The following PRKN variants were observed in gnomAD, a reference collection of about 807,000 sequenced individuals.
The protein encoded by PRKN is parkin RBR E3 ubiquitin protein ligase, also known as E3 ubiquitin-protein ligase parkin.
Under a neutral mutation model 59.5 loss-of-function variants are expected in PRKN, and 56 were observed. The observed-to-expected ratio is 0.94, with a 90% CI of 0.76 to 1.18. The LOEUF is 1.18. Ranked by LOEUF, PRKN falls within the 50% of genes most tolerant of loss-of-function variation. The pLI is 0.00. For synonymous variants in PRKN, 250 were observed against 222.1 expected, an observed-to-expected ratio of 1.13 and a Z score of -1.12; for missense variants, 657 against 596.4, an observed-to-expected ratio of 1.10 and a Z score of -1.06.
chr6:162,419,473 G>A (rs1054441411), intron 2 of PRKN, among the ~76,000 whole-genome samples: 5 of 152,050 alleles, frequency 3.3e-5, no homozygotes, highest in African/African-American at 9.7e-5. Flanking sequence ...ACAAGAATAA[G>A]ACATTTACTA....
chr6:162,300,864 A>G (rs1277060009), intron 2 of PRKN, among the ~76,000 whole-genome samples: 1 of 152,122 alleles, frequency 6.6e-6, no homozygotes, highest in Admixed American at 6.6e-5. Context: ...CAACCTATAC[A>G]TTAACAAAAT....
intron 2 of PRKN, chr6:162,270,742 A>T (rs1780344826): frequency 6.6e-6 from 1 of 152,200 alleles, no homozygotes; most frequent in Non-Finnish European, 1.5e-5. Context: ...AACTTTGAAG[A>T]CACACTTTTA....
At chr6:162,335,192 TTC>T (rs1783781871) in intron 2 of PRKN, among the ~76,000 whole-genome samples, 1 of 148,382 alleles carries the variant, frequency 6.7e-6, no homozygotes, top group East Asian at 2.0e-4. Context: ...TTTTTTCTTT[TTC>T]TTTTTTTTTT....
At chr6:161,964,509 G>A (rs924800099) in intron 6 of PRKN, among the ~76,000 whole-genome samples, 1 of 152,014 alleles carries the variant, frequency 6.6e-6, no homozygotes, top group African/African-American at 2.4e-5. Context: ...GAAGTAGCCT[G>A]CTTCAAGCTA....
intron 3 of PRKN, among the ~76,000 whole-genome samples, chr6:162,235,529 C>T (rs1191266679): frequency 1.3e-5 from 2 of 152,252 alleles, no homozygotes; most frequent in Non-Finnish European, 2.9e-5. Context: ...TCCTCATGGC[C>T]GGGCGCAGTG....
At chr6:162,393,712 T>A (rs1422281811) in intron 2 of PRKN, among the ~76,000 whole-genome samples, 1 of 152,218 alleles carries the variant, frequency 6.6e-6, no homozygotes, top group African/African-American at 2.4e-5. Context: ...AAATTTTATC[T>A]AGCAAATTTA....
intron 5 of PRKN, among the ~76,000 whole-genome samples, chr6:162,037,465 A>G (rs898315749): frequency 2.0e-5 from 3 of 152,194 alleles, no homozygotes; most frequent in African/African-American, 7.2e-5. Context: ...GCACATGGAA[A>G]ACAGACTTGG....
chr6:161,975,613 G>T (rs1780998173), intron 5 of PRKN, among the ~76,000 whole-genome samples: 1 of 152,096 alleles, frequency 6.6e-6, no homozygotes, highest in Admixed American at 6.6e-5. Context: ...GAATCACTCG[G>T]GTGGGAGGGG....
In PRKN at chr6:162,701,787, C is replaced by T. The variant is rs182993344; in HGVS notation, c.7+25875G>A. Among the ~76,000 whole-genome samples, 326 of 150,986 alleles carry T rather than the reference C, an allele frequency of 2.2e-3. 2 individuals carry two copies. Among genetic ancestry groups the T allele is most frequent in the African/African-American group, 7.6e-3 (312 of 41,168 alleles). On this transcript the variant is annotated intron_variant, in intron 1 of 11. Coordinates refer to ENST00000366898, the MANE Select transcript of PRKN (RefSeq NM_004562.3). ...TTCAGTATTAGCAAAAGTATAACTT[C>T]AAAAACTCATTTCCAATAGGAACAC...
At chr6:161,993,081 A>T (rs542904843) in intron 5 of PRKN, among the ~76,000 whole-genome samples, 56 of 152,214 alleles carry the variant, frequency 3.7e-4, no homozygotes, top group African/African-American at 1.3e-3. Flanking sequence ...ACCCAAAGTT[A>T]GTAGAAGGAA....
At position 161,360,206 on chromosome 6, in the gene PRKN, C is replaced by T; in HGVS notation, c.1168-1G>A. 6.2e-7 allele frequency: 1 copy of T among 1,610,154 alleles called. No individual in the cohort carries two copies. Among genetic ancestry groups the T allele is most frequent in the Non-Finnish European group, 8.5e-7 (1 of 1,176,278 alleles). ...CGGCTCTTTCATCGACTCTGTAGGC[C>T]TGGGGAAACAAAGAGGAAAGGCGTT... On this transcript the variant is annotated splice_acceptor_variant, in intron 10 of 11. Transcript: ENST00000366898. LOFTEE classifies it high-confidence loss of function. The surrounding 1 kb of genome is among the most constrained non-coding windows in gnomAD (Gnocchi z 5.1).
intron 3 of PRKN, among the ~76,000 whole-genome samples, chr6:162,219,200 C>T (rs1777829788): frequency 6.6e-6 from 1 of 151,962 alleles, no homozygotes; most frequent in South Asian, 2.1e-4. Context: ...AAATAAATAA[C>T]TAAATAAATA....
chr6:162,060,268 C>G (rs1778044973), intron 4 of PRKN, among the ~76,000 whole-genome samples: 1 of 152,120 alleles, frequency 6.6e-6, no homozygotes, highest in Admixed American at 6.6e-5. Flanking sequence ...TGCTGTTGAC[C>G]TGAGAATTCC....
At chr6:162,681,868 T>A (rs1779782839) in intron 1 of PRKN, among the ~76,000 whole-genome samples, 1 of 151,146 alleles carries the variant, frequency 6.6e-6, no homozygotes, top group Non-Finnish European at 1.5e-5. Flanking sequence ...CCCTGTGGAG[T>A]GTAATTTTGT....
intron 4 of PRKN, among the ~76,000 whole-genome samples, chr6:162,112,532 C>G (rs1432306433): frequency 6.6e-6 from 1 of 152,088 alleles, no homozygotes; most frequent in Non-Finnish European, 1.5e-5. Context: ...CTTGTCATCA[C>G]AAAAATATAA....
chr6:161,892,419 T>A (rs6905968), intron 6 of PRKN, among the ~76,000 whole-genome samples: 74,721 of 149,062 alleles, frequency 0.5, 20,808 homozygotes, highest in African/African-American at 0.75. Flanking sequence ...AAAAAATAAA[T>A]AAGATTAGTT....
rs1025959354 is a variant in PRKN at position 162,164,928 on chromosome 6, T to C, written c.534+36203A>G. ...TTACTCTGGAAATTCCAAATCTTTA[T>C]GTCAAAAAACCTAGAAAATCTGCCA... On this transcript the variant is annotated intron_variant, in intron 4 of 11. Coordinates refer to ENST00000366898, the MANE Select transcript of PRKN (RefSeq NM_004562.3). Among the ~76,000 whole-genome samples the C allele has an allele frequency of 2.0e-5, 3 of 148,968 alleles. No individual in the cohort carries two copies. The East Asian group carries it at 5.8e-4, about 29-fold the overall frequency.
chr6:162,166,047 CAAAAAAAAAA>C (rs10557222), intron 4 of PRKN, among the ~76,000 whole-genome samples: 2 of 80,238 alleles, frequency 2.5e-5, no homozygotes, highest in African/African-American at 5.1e-5. Context: ...GACTCTATCT[CAAAAAAAAAA>C]AAAAAAAAAA....
At chr6:162,105,115 AAAG>A (rs1388565251) in intron 4 of PRKN, among the ~76,000 whole-genome samples, 1 of 152,182 alleles carries the variant, frequency 6.6e-6, no homozygotes, top group Non-Finnish European at 1.5e-5. Context: ...TATGCAGCGA[AAAG>A]AAGACAGAAC....
Sources: gnomAD v4.1 joint callset for allele counts (sites outside exome capture counted in the v4.1 genomes callset) on GRCh38, gnomAD v4.1.1 for gene constraint, Gnocchi (gnomAD v3.1) non-coding constraint, MANE v1.5 for transcripts, NCBI Gene and HGNC (gene_info 2026-07-23, HGNC 2026-07-21) for gene names.